KIAA0586: variants seen among roughly 807,000 people sequenced by gnomAD.
The protein encoded by KIAA0586 is protein TALPID3.
A neutral mutation model predicts 169.8 loss-of-function variants in KIAA0586; 144 were observed. The observed-to-expected ratio is 0.85, with a 90% CI of 0.74 to 0.97. KIAA0586 has a LOEUF of 0.97. KIAA0586 is among the 50% of genes least tolerant of loss of function. The pLI is 0.00. For synonymous variants in KIAA0586, 625 were observed against 612.4 expected (o/e 1.02, Z -0.30); for missense variants, 1,854 against 1,823.0 (o/e 1.02, Z -0.31).
In KIAA0586 at chr14:58,549,982, T is replaced by C. The variant is rs899051744; in HGVS notation, c.*2050T>C. 3 of 152,130 alleles carry C rather than the reference T, an allele frequency of 2.0e-5. No homozygotes were observed. The highest frequency in any genetic ancestry group is 7.2e-5 in the African/African-American group (3 of 41,440). 9.4% of individuals were successfully genotyped at this position (152,130 alleles called of 1,614,324 possible). A position where few individuals can be genotyped will look rare whatever the true frequency, so the allele number is the denominator to read the frequency against. On this transcript the variant is annotated 3_prime_UTR_variant, in exon 31 of 31. Coordinates refer to ENST00000652326, the MANE Select transcript of KIAA0586 (RefSeq NM_001329943.3). ...ACGTGAGCTTTTCTTTTAAAAAAAA[T>C]TAGTGTCCATTCGACGGTTTCTTTT...
intron 29 of KIAA0586, among the ~76,000 whole-genome samples, chr14:58,537,498 C>T (rs1057092359): frequency 6.6e-6 from 1 of 152,102 alleles, no homozygotes; most frequent in Non-Finnish European, 1.5e-5. Flanking sequence ...CATGTTTATA[C>T]TCTGTGTTCT....
chr14:58,539,814 C>A (rs1381471105), intron 29 of KIAA0586: 12 of 287,552 alleles, frequency 4.2e-5, no homozygotes, highest in Non-Finnish European at 6.4e-5. Flanking sequence ...TTTCTCATGA[C>A]CCTTTGCTTC....
intron 29 of KIAA0586, among the ~76,000 whole-genome samples, chr14:58,519,939 G>C (rs557805939): frequency 6.6e-6 from 1 of 152,082 alleles, no homozygotes; most frequent in East Asian, 1.9e-4. Flanking sequence ...GTAGACAGTC[G>C]TGCAAACAGC....
At chr14:58,559,274 C>T in the KIAA0586 span, among the ~76,000 whole-genome samples, 5 of 152,288 alleles carry the variant, frequency 3.3e-5, no homozygotes, top group East Asian at 1.9e-4. Context: ...CTTCTTTATG[C>T]GATTTTTCTG....
At chr14:58,433,236 T>G (rs2037530902) in intron 4 of KIAA0586, 1 of 152,164 alleles carries the variant, frequency 6.6e-6, no homozygotes, top group African/African-American at 2.4e-5. Context: ...CTGGCTATTA[T>G]TTGTATTTTT....
intron 29 of KIAA0586, among the ~76,000 whole-genome samples, chr14:58,516,772 G>A (rs1180332422): frequency 6.6e-6 from 1 of 152,020 alleles, no homozygotes; most frequent in East Asian, 1.9e-4. Flanking sequence ...CAGTAATCAA[G>A]ACAGTGGAAT....
chr14:58,512,769 A>G lies in KIAA0586; in HGVS notation c.4429+142A>G, dbSNP rs1241408002. 5 of 541,040 alleles carry G rather than the reference A, an allele frequency of 9.2e-6. No individual in the cohort carries two copies. In the Admixed American group the frequency reaches 1.2e-4, roughly 13 times the overall value. 33.5% of individuals were successfully genotyped at this position (541,040 alleles called of 1,614,324 possible). A position where few individuals can be genotyped will look rare whatever the true frequency, so the allele number is the denominator to read the frequency against. ...TTGTTTTCTCTCATTTAGTCCATTT[A>G]CATGAAGAATCGGTATTGTATTTGA... On this transcript the variant is annotated intron_variant, in intron 29 of 30. Coordinates refer to ENST00000652326, the MANE Select transcript of KIAA0586 (RefSeq NM_001329943.3).
At chr14:58,554,126 G>A (rs1476979897), downstream of KIAA0586, among the ~76,000 whole-genome samples, 1 of 152,164 alleles carries the variant, frequency 6.6e-6, no homozygotes, top group Admixed American at 6.5e-5. Context: ...CCTATGAGCA[G>A]TAAGAGAGGG....
chr14:58,537,170 T>C (rs2046340146), intron 29 of KIAA0586: 6 of 1,061,154 alleles, frequency 5.7e-6, no homozygotes, highest in East Asian at 9.1e-5. Context: ...GTGAGAATTA[T>C]GAAGCCACTT....
intron 6 of KIAA0586, among the ~76,000 whole-genome samples, chr14:58,445,138 CACACACACACATATACACATACACAA>C (rs2038764074): frequency 6.6e-6 from 1 of 151,410 alleles, no homozygotes; most frequent in African/African-American, 2.4e-5. Context: ...CACACACACA[CACACACACACATATACACATACACAA>C]ACACACATGC....
At chr14:58,535,340 T>C (rs1300208564) in intron 29 of KIAA0586, among the ~76,000 whole-genome samples, 1 of 148,934 alleles carries the variant, frequency 6.7e-6, no homozygotes. Flanking sequence ...AATGTCCCTC[T>C]AGACATTCTT....
Position 58,477,170 on chromosome 14 carries a change from T to A in KIAA0586, c.2873T>A (p.Val958Asp). 1 of 1,584,152 alleles carries A rather than the reference T, an allele frequency of 6.3e-7. No individual in the cohort carries two copies. The highest frequency in any genetic ancestry group is 8.6e-7 in the Non-Finnish European group (1 of 1,163,194). Residue 958 changes from valine (V) to aspartate (D), a missense_variant, in exon 20 of 31, where the codon GTC becomes GAC. Transcript: ENST00000652326. ...AGAATTATCTCTGGGCTCTTTCCAG[T>A]CCAGCAACAGATTGCACCTAGTATC... ...MSRIISGLFP[V>D]QQQIAPSISV...
chr14:58,479,140 A>G (rs1322095926), intron 20 of KIAA0586, among the ~76,000 whole-genome samples: 1 of 152,212 alleles, frequency 6.6e-6, no homozygotes, highest in Non-Finnish European at 1.5e-5. Context: ...CATTCCACCC[A>G]GCAGTGTATG....
At chr14:58,556,166 C>A (rs1363548885), downstream of KIAA0586, among the ~76,000 whole-genome samples, 1 of 152,178 alleles carries the variant, frequency 6.6e-6, no homozygotes, top group East Asian at 1.9e-4. Flanking sequence ...TATCTACTGT[C>A]TGTTTAGTGT....
chr14:58,427,943 G>A lies in KIAA0586; in HGVS notation c.-322G>A. ...AAATTTTAAGCCCGCCACTACATGT[G>A]TTTGGTTTTGCCCTACCAGCTCTGG... On this transcript the variant is annotated 5_prime_UTR_variant, in exon 1 of 31. Transcript: ENST00000652326. 1 of 1,389,496 alleles carries A rather than the reference G, an allele frequency of 7.2e-7. No individual in the cohort carries two copies. Among genetic ancestry groups the A allele is most frequent in the East Asian group, 2.6e-5 (1 of 38,432 alleles). The allele number at this position is 1,389,496 out of a possible 1,614,324, so 86.1% of individuals were successfully genotyped here.
At chr14:58,488,956 T>C in intron 24 of KIAA0586, 82 bp downstream of exon 24, 1 of 1,410,312 alleles carries the variant, frequency 7.1e-7, no homozygotes, top group Non-Finnish European at 9.7e-7. Flanking sequence ...AAAGTGTTTT[T>C]ACTTAACTTT....
At chr14:58,432,794 T>G (rs1566773540) in intron 4 of KIAA0586, among the ~76,000 whole-genome samples, 1 of 152,218 alleles carries the variant, frequency 6.6e-6, no homozygotes. Flanking sequence ...CTCGGCTCAC[T>G]GCAACCTCTG....
chr14:58,538,646 C>G (rs1189046811), intron 29 of KIAA0586, among the ~76,000 whole-genome samples: 1 of 151,582 alleles, frequency 6.6e-6, no homozygotes, highest in Non-Finnish European at 1.5e-5. Flanking sequence ...GTTGTGCTAG[C>G]AAATTACTGG....
At chr14:58,487,796 T>G (rs1159435612) in intron 22 of KIAA0586, 91 bp from the exon 23 acceptor site, 5 of 718,866 alleles carry the variant, frequency 7.0e-6, no homozygotes. Flanking sequence ...GCTAAAATGG[T>G]AAGGGATATC....
Sources: allele counts gnomAD v4.1 joint callset (sites outside exome capture counted in the v4.1 genomes callset), GRCh38; gene constraint gnomAD v4.1.1; transcripts MANE v1.5; gene names NCBI Gene and HGNC (gene_info 2026-07-23, HGNC 2026-07-21).